Variants in PHLPP1 observed in about 807,000 individuals in gnomAD.
PHLPP1 encodes PH domain leucine-rich repeat-containing protein phosphatase 1.
In PHLPP1, 42 loss-of-function variants were observed where a neutral mutation model predicts 117.2. That is an observed-to-expected ratio of 0.36 (90% CI 0.28 to 0.46). The LOEUF (loss-of-function observed/expected upper bound fraction) is 0.46. Ranked by LOEUF, PHLPP1 falls within the 20% of genes least tolerant of loss-of-function variation. PHLPP1 has a pLI of 1.00. For missense variants in PHLPP1, 2,084 were observed against 2,241.9 expected (o/e 0.93, Z 1.42); for synonymous variants, 1,042 against 970.7 (o/e 1.07, Z -1.37).
rs531715901 is a variant in PHLPP1, at chr18:62,867,505, C to A, written c.2066+6904C>A. 3.9e-5 allele frequency among the ~76,000 whole-genome samples: 6 copies of A among 152,310 alleles called. No homozygotes were observed. The South Asian group carries it at 1.2e-3, about 32-fold the overall frequency. On this transcript the variant is annotated intron_variant, in intron 4 of 16. Transcript: ENST00000262719. ...TAATTGCAGTGATTATATTTCCTTT[C>A]TTGTGCTGGCTTGATAGCAGCCTCA...
At chr18:62,918,334 G>A (rs1465141064) in intron 9 of PHLPP1, among the ~76,000 whole-genome samples, 2 of 150,992 alleles carry the variant, frequency 1.3e-5, no homozygotes, top group East Asian at 3.9e-4. Context: ...CCAATAATTA[G>A]CATTCAGTAT....
At chr18:62,800,452 T>C (rs934557374) in intron 1 of PHLPP1, among the ~76,000 whole-genome samples, 10 of 152,232 alleles carry the variant, frequency 6.6e-5, no homozygotes, top group Admixed American at 6.5e-4. Flanking sequence ...CTATAGTTAA[T>C]ATTAGGTATA....
At chr18:62,968,695 G>A (rs1426308921) in intron 14 of PHLPP1, among the ~76,000 whole-genome samples, 1 of 151,680 alleles carries the variant, frequency 6.6e-6, no homozygotes, top group African/African-American at 2.4e-5. Context: ...GCGCCACCAC[G>A]CCCAGCTAAT....
At chr18:62,766,105 A>T (rs866964784) in intron 1 of PHLPP1, among the ~76,000 whole-genome samples, 2,984 of 58,786 alleles carry the variant, frequency 0.051, 209 homozygotes, top group Non-Finnish European at 0.09. Flanking sequence ...ATATATATAA[A>T]ATATATATAT....
chr18:62,803,130 A>G (rs896010023), intron 1 of PHLPP1, among the ~76,000 whole-genome samples: 5 of 152,342 alleles, frequency 3.3e-5, no homozygotes, highest in Admixed American at 2.0e-4. Flanking sequence ...CTGGAAGACT[A>G]TGCTCTCTGG....
At chr18:62,824,597 A>T (rs1361537964) in intron 1 of PHLPP1, among the ~76,000 whole-genome samples, 2 of 151,890 alleles carry the variant, frequency 1.3e-5, no homozygotes, top group African/African-American at 4.8e-5. Context: ...CTTATTTTAT[A>T]CTTTATGTAG....
At chr18:62,754,371 C>G (rs527463750) in intron 1 of PHLPP1, among the ~76,000 whole-genome samples, 4 of 152,220 alleles carry the variant, frequency 2.6e-5, no homozygotes, top group African/African-American at 9.6e-5. Context: ...GCAAGTTGGC[C>G]ACTCTTCTAG....
intron 1 of PHLPP1, among the ~76,000 whole-genome samples, chr18:62,740,990 AAAG>A (rs1341164230): frequency 6.6e-6 from 1 of 152,186 alleles, no homozygotes; most frequent in African/African-American, 2.4e-5. Context: ...AAGAAAAAAA[AAAG>A]AATATAATTG....
chr18:62,835,937 C>T (rs939267510), intron 2 of PHLPP1, among the ~76,000 whole-genome samples: 2 of 151,264 alleles, frequency 1.3e-5, no homozygotes, highest in Non-Finnish European at 2.9e-5. Context: ...TGCACCACCA[C>T]GCCCGACTAA....
chr18:62,934,527 A>G (rs547305043), intron 10 of PHLPP1, among the ~76,000 whole-genome samples: 7 of 152,196 alleles, frequency 4.6e-5, no homozygotes, highest in Non-Finnish European at 7.4e-5. Context: ...GTGTATACAC[A>G]TGGCCATAAA....
intron 7 of PHLPP1, among the ~76,000 whole-genome samples, 182 bp from the exon 8 acceptor site, chr18:62,905,042 T>C (rs935931635): frequency 6.6e-6 from 1 of 152,236 alleles, no homozygotes; most frequent in South Asian, 2.1e-4. Flanking sequence ...AAGAAGATCT[T>C]GTGATTAAAA....
intron 3 of PHLPP1, among the ~76,000 whole-genome samples, chr18:62,843,309 G>A (rs1284943238): frequency 6.6e-6 from 1 of 152,040 alleles, no homozygotes; most frequent in African/African-American, 2.4e-5. Context: ...GGGCAAAAAA[G>A]AAACAAATTT....
intron 14 of PHLPP1, among the ~76,000 whole-genome samples, chr18:62,966,843 A>G (rs556347908): frequency 1.1e-4 from 17 of 152,252 alleles, no homozygotes; most frequent in African/African-American, 2.9e-4. Flanking sequence ...TCCTTCACCT[A>G]CCAAAATTTA....
chr18:62,767,072 A>AG (rs1418840934), intron 1 of PHLPP1, among the ~76,000 whole-genome samples: 1 of 152,186 alleles, frequency 6.6e-6, no homozygotes, highest in East Asian at 1.9e-4. Flanking sequence ...GAAATGGTGG[A>AG]GGGGGTGGCA....
chr18:62,840,889 T>A (rs576795634), intron 3 of PHLPP1, among the ~76,000 whole-genome samples: 1 of 152,322 alleles, frequency 6.6e-6, no homozygotes, highest in South Asian at 2.1e-4. Context: ...CTGTGGAATT[T>A]ATTTTTTTGT....
chr18:62,899,351 A>G (rs557303027), intron 6 of PHLPP1, among the ~76,000 whole-genome samples: 1 of 152,272 alleles, frequency 6.6e-6, no homozygotes, highest in South Asian at 2.1e-4. Flanking sequence ...GCCCTCCTGT[A>G]GAAGCTATTC....
chr18:62,942,013 T>C, intron 11 of PHLPP1, 95 bp downstream of exon 11: 1 of 996,872 alleles, frequency 1.0e-6, no homozygotes. Flanking sequence ...CCAGGTGATG[T>C]CAAGTTTGTT....
At chr18:62,937,471 G>GA (rs938867755) in intron 10 of PHLPP1, among the ~76,000 whole-genome samples, 2 of 151,836 alleles carry the variant, frequency 1.3e-5, no homozygotes, top group African/African-American at 4.8e-5. Flanking sequence ...AGCTCTTTTA[G>GA]AAAAAAAGGA....
At chr18:62,791,510 G>A (rs964929244) in intron 1 of PHLPP1, among the ~76,000 whole-genome samples, 13 of 152,176 alleles carry the variant, frequency 8.5e-5, no homozygotes, top group Non-Finnish European at 2.9e-5. Flanking sequence ...GCAGAGGGAT[G>A]CTTTGCTTCT....
Sources: allele counts gnomAD v4.1 joint callset (sites outside exome capture counted in the v4.1 genomes callset), GRCh38; gene constraint gnomAD v4.1.1; transcripts MANE v1.5; gene names NCBI Gene and HGNC (gene_info 2026-07-23, HGNC 2026-07-21).